ZFHX3: variants seen among roughly 807,000 people sequenced by gnomAD.
ZFHX3 encodes the protein zinc finger homeobox 3, also known as zinc finger homeobox protein 3.
Under a neutral mutation model 279.1 loss-of-function variants are expected in ZFHX3, and 42 were observed. That is an observed-to-expected ratio of 0.15 (90% confidence interval 0.12 to 0.19). ZFHX3 has a LOEUF of 0.19. Ranked by LOEUF, ZFHX3 falls within the 10% of genes least tolerant of loss-of-function variation. The pLI is 1.00. For synonymous variants in ZFHX3, 2,293 were observed against 1,957.8 expected (o/e 1.17, Z -4.52); for missense variants, 4,981 against 4,754.0 (o/e 1.05, Z -1.40).
chr16:73,674,185 T>C (rs1276767932), intron 2 of ZFHX3, among the ~76,000 whole-genome samples: 1 of 152,156 alleles, frequency 6.6e-6, no homozygotes, highest in Admixed American at 6.5e-5. Context: ...CTTAAATAGT[T>C]TTCATATACA....
intron 3 of ZFHX3, among the ~76,000 whole-genome samples, chr16:73,440,056 A>T (rs926905068): frequency 6.6e-6 from 1 of 151,996 alleles, no homozygotes; most frequent in African/African-American, 2.4e-5. Context: ...AGTACATGGG[A>T]ACTAAGTGAG....
At chr16:73,659,611 A>G (rs2052759133) in intron 2 of ZFHX3, among the ~76,000 whole-genome samples, 1 of 152,134 alleles carries the variant, frequency 6.6e-6, no homozygotes, top group South Asian at 2.1e-4. Flanking sequence ...CTCCCCTGAA[A>G]TAGAAATACA....
At chr16:73,217,931 G>GA (rs2012273581) in intron 5 of ZFHX3, among the ~76,000 whole-genome samples, 1 of 152,102 alleles carries the variant, frequency 6.6e-6, no homozygotes, top group Admixed American at 6.5e-5. Context: ...CACCAGGATT[G>GA]AAAAAAGCCA....
chr16:73,056,884 A>G (rs374781506), intron 1 of ZFHX3, among the ~76,000 whole-genome samples: 1 of 152,236 alleles, frequency 6.6e-6, no homozygotes, highest in East Asian at 1.9e-4. Flanking sequence ...GGGAGGAAAA[A>G]AAGTAATTTT....
intron 7 of ZFHX3, among the ~76,000 whole-genome samples, chr16:73,116,253 C>T (rs1425279004): frequency 6.6e-6 from 1 of 152,052 alleles, no homozygotes; most frequent in Non-Finnish European, 1.5e-5. Flanking sequence ...ACTCCAGAGC[C>T]GGGTTGAGTG....
intron 1 of ZFHX3, among the ~76,000 whole-genome samples, chr16:72,983,922 C>A (rs188854559): frequency 1.3e-5 from 2 of 152,278 alleles, no homozygotes; most frequent in African/African-American, 2.4e-5. Context: ...GCCATTACCC[C>A]CCGGCCCCAC....
chr16:73,348,002 G>C (rs1323831490), intron 3 of ZFHX3, among the ~76,000 whole-genome samples: 3 of 152,188 alleles, frequency 2.0e-5, no homozygotes, highest in Admixed American at 1.3e-4. Flanking sequence ...TCCTTAGGCA[G>C]TTGACTGGTT....
intron 1 of ZFHX3, among the ~76,000 whole-genome samples, chr16:72,967,062 C>T (rs1961876057): frequency 6.6e-6 from 1 of 152,218 alleles, no homozygotes; most frequent in Admixed American, 6.5e-5. Context: ...ATCAGGTTCC[C>T]TGTGCTATTC....
At chr16:72,847,813 G>C (rs998271232) in intron 4 of ZFHX3, among the ~76,000 whole-genome samples, 5 of 152,100 alleles carry the variant, frequency 3.3e-5, no homozygotes, top group African/African-American at 9.7e-5. Flanking sequence ...GAATGGAACA[G>C]GAAGCAAACC....
chr16:73,737,153 C>G (rs1390711023), intron 1 of ZFHX3, among the ~76,000 whole-genome samples: 1 of 152,178 alleles, frequency 6.6e-6, no homozygotes, highest in Non-Finnish European at 1.5e-5. Context: ...CCCACTTCAA[C>G]TTCCGAAGTA....
chr16:73,492,883 T>C (rs959071650), intron 2 of ZFHX3, among the ~76,000 whole-genome samples: 1 of 152,222 alleles, frequency 6.6e-6, no homozygotes, highest in Non-Finnish European at 1.5e-5. Flanking sequence ...TGACCAACCA[T>C]GACTGTATTA....
Position 73,204,283 on chromosome 16 carries a change from T to C in ZFHX3, c.-1104+52764A>G, listed in dbSNP as rs188416349. 2.7e-5 allele frequency among the ~76,000 whole-genome samples: 4 copies of C among 150,464 alleles called. No individual in the cohort carries two copies. In the East Asian group the frequency reaches 7.7e-4, roughly 29 times the overall value. ...TTATTATTATAGAAATTATTATTTC[T>C]ATTATTATTATATTCATTATAATAT... On this transcript the variant is annotated intron_variant, in intron 5 of 17. Transcript: ENST00000641206.
At chr16:73,788,624 C>G (rs1302045195) in intron 1 of ZFHX3, among the ~76,000 whole-genome samples, 1 of 152,018 alleles carries the variant, frequency 6.6e-6, no homozygotes, top group East Asian at 1.9e-4. Context: ...ACGCAGACAA[C>G]TAGTAACAAC....
intron 1 of ZFHX3, among the ~76,000 whole-genome samples, chr16:73,716,474 G>A (rs186504285): frequency 6.6e-6 from 1 of 152,232 alleles, no homozygotes; most frequent in Non-Finnish European, 1.5e-5. Flanking sequence ...TCCACCCCTT[G>A]CAACTTCCAA....
intron 1 of ZFHX3, among the ~76,000 whole-genome samples, chr16:73,759,516 G>C (rs191252953): frequency 1.4e-4 from 21 of 152,292 alleles, no homozygotes; most frequent in Admixed American, 1.4e-3. Flanking sequence ...GAAAGACAGA[G>C]AGCTATCCCT....
At chr16:72,908,949 T>A (rs2039252672) in intron 3 of ZFHX3, among the ~76,000 whole-genome samples, 1 of 152,218 alleles carries the variant, frequency 6.6e-6, no homozygotes, top group African/African-American at 2.4e-5. Flanking sequence ...ATGAGCACTG[T>A]CCTTCCCATA....
intron 4 of ZFHX3, among the ~76,000 whole-genome samples, chr16:72,839,292 TTGCAGG>T (rs2037284091): frequency 6.6e-6 from 1 of 152,122 alleles, no homozygotes; most frequent in Non-Finnish European, 1.5e-5. Flanking sequence ...CTCAGCGGAT[TTGCAGG>T]GGTTTTTCCT....
At chr16:73,611,901 T>TAC (rs974094003) in intron 2 of ZFHX3, among the ~76,000 whole-genome samples, 4 of 152,172 alleles carry the variant, frequency 2.6e-5, no homozygotes, top group African/African-American at 7.2e-5. Flanking sequence ...TCCATTTACA[T>TAC]ACACACACAC....
At chr16:73,548,038 T>C (rs2020149596) in intron 2 of ZFHX3, among the ~76,000 whole-genome samples, 1 of 152,222 alleles carries the variant, frequency 6.6e-6, no homozygotes, top group African/African-American at 2.4e-5. Context: ...ACACAGTCCT[T>C]GCTATAAACA....
Sources: allele counts gnomAD v4.1 joint callset (sites outside exome capture counted in the v4.1 genomes callset), GRCh38; gene constraint gnomAD v4.1.1; transcripts MANE v1.5; gene names NCBI Gene and HGNC (gene_info 2026-07-23, HGNC 2026-07-21).